The following SH3BP5 variants were observed in gnomAD, a reference collection of about 807,000 sequenced individuals.
The protein encoded by SH3BP5 is SH3 domain binding protein 5, also known as SH3 domain-binding protein 5.
In SH3BP5, 22 loss-of-function variants were observed where a neutral mutation model predicts 43.3. The observed-to-expected ratio is 0.51, with a 90% CI of 0.36 to 0.73. The LOEUF (loss-of-function observed/expected upper bound fraction) is 0.73, where lower values mean the gene tolerates loss of function less well. Ranked by LOEUF, SH3BP5 falls within the 30% of genes least tolerant of loss-of-function variation. The probability of loss-of-function intolerance (pLI) is 0.00; values close to 1 mark genes in which losing one functional copy is unlikely to be tolerated. For missense variants in SH3BP5, 529 were observed against 586.9 expected, an observed-to-expected ratio of 0.90 and a Z score of 1.02; for synonymous variants, 255 against 225.8, an observed-to-expected ratio of 1.13 and a Z score of -1.16.
chr3:15,271,395 AGAGGCTGGGCACG>A (rs1378646950), intron 3 of SH3BP5, among the ~76,000 whole-genome samples: 1 of 152,048 alleles, frequency 6.6e-6, no homozygotes, highest in Admixed American at 6.6e-5. Flanking sequence ...TTAAATTCAC[AGAGGCTGGGCACG>A]GTGGCTCAAA....
intron 6 of SH3BP5, 192 bp downstream of exon 6, chr3:15,259,569 T>C (rs1696355300): frequency 8.7e-6 from 6 of 688,426 alleles, no homozygotes; most frequent in Non-Finnish European, 1.6e-5. Context: ...GGTGACTGAA[T>C]GGCAGTTACA....
chr3:15,257,206 G>A (rs1208640234), intron 7 of SH3BP5, 93 bp from the exon 8 acceptor site: 1 of 1,290,056 alleles, frequency 7.8e-7, no homozygotes, highest in Non-Finnish European at 1.1e-6. Flanking sequence ...ACACAGCATG[G>A]GGGACTAAAG....
chr3:15,259,091 T>C lies in SH3BP5; in HGVS notation c.670-41A>G, dbSNP rs752328026. On this transcript the variant is annotated intron_variant, in intron 6 of 8. Transcript: ENST00000383791. ...GGAGACTAAGTGAAGACTACCCTGC[T>C]AGCCTTAAGATGCTTTCTGAATGAC... 1.3e-5 allele frequency: 19 copies of C among 1,498,296 alleles called. No individual in the cohort carries two copies. The South Asian group carries it at 2.1e-4, about 17-fold the overall frequency. The allele number at this position is 1,498,296 out of a possible 1,614,324, so 92.8% of individuals were successfully genotyped here. A position where few individuals can be genotyped will look rare whatever the true frequency, so the allele number is the denominator to read the frequency against.
At chr3:15,297,391 T>C (rs959841605) in intron 3 of SH3BP5, among the ~76,000 whole-genome samples, 4 of 152,164 alleles carry the variant, frequency 2.6e-5, no homozygotes, top group Non-Finnish European at 5.9e-5. Flanking sequence ...AGGTTCTTTG[T>C]GGTGGTGATC....
intron 3 of SH3BP5, among the ~76,000 whole-genome samples, chr3:15,271,277 T>C (rs547472401): frequency 4.6e-5 from 7 of 152,140 alleles, no homozygotes; most frequent in African/African-American, 9.6e-5. Flanking sequence ...CCTTGGGAGC[T>C]TGAGGCAGGA....
In SH3BP5 at chr3:15,262,275, C is replaced by G; in HGVS notation, c.510G>C (p.Glu170Asp). 6.2e-7 allele frequency: 1 copy of G among 1,614,186 alleles called. No homozygotes were observed. The highest frequency in any genetic ancestry group is 8.5e-7 in the Non-Finnish European group (1 of 1,180,032). The change falls in exon 5 of 9, where the codon GAG becomes GAC. Residue 170 changes from glutamate to aspartate, a missense_variant. Physicochemically the swap from Glu to Asp is conservative, Grantham distance 45 (BLOSUM62 2). Around this residue, in one of 3 missense-constraint regions of SH3BP5, gnomAD observed 369 missense variants for 384.3 expected, o/e 0.96. Transcript: ENST00000383791. ...NHATQRVMEA[E>D]QTKTRSELVH... ...CCAGCTCGCTCCTGGTCTTGGTCTG[C>G]TCCGCCTCCATGACCTTAAAATGAC...
At position 15,271,891 on chromosome 3, in the gene SH3BP5, ACCTTGAATTC is replaced by A. The variant is rs1166865498; in HGVS notation, c.331-2024_331-2015del. Among the ~76,000 whole-genome samples, 31 of 152,084 alleles carry A rather than the reference ACCTTGAATTC, an allele frequency of 2.0e-4. 1 individual carries two copies. Among genetic ancestry groups the A allele is most frequent in the African/African-American group, 7.2e-4 (30 of 41,512 alleles). ...ATCACAGTCACCACTCTACAGGCTCACCTTGAATTCCCCAGCAGGGTAGAAGCCACAAACC... is the reference window on the plus strand; with the variant it reads ...ATCACAGTCACCACTCTACAGGCTCACCCAGCAGGGTAGAAGCCACAAACC... On this transcript the variant is annotated intron_variant, in intron 3 of 8. Transcript: ENST00000383791.
intron 2 of SH3BP5, among the ~76,000 whole-genome samples, chr3:15,330,167 C>A: frequency 6.6e-6 from 1 of 152,214 alleles, no homozygotes; most frequent in Non-Finnish European, 1.5e-5. Context: ...TTTGTGAGCT[C>A]ATTCATTATT....
At chr3:15,301,426 T>C (rs9831969) in intron 3 of SH3BP5, among the ~76,000 whole-genome samples, 63,340 of 151,942 alleles carry the variant, frequency 0.42, 13,789 homozygotes, top group East Asian at 0.58. Context: ...GCATTGCAGA[T>C]CCAGCAAGGA....
rs1696226514 is a variant in SH3BP5 at position 15,256,921 on chromosome 3, A to G, written c.1082T>C (p.Met361Thr). The G allele has an allele frequency of 6.2e-7, 1 of 1,614,082 alleles. No homozygotes were observed. The highest frequency in any genetic ancestry group is 8.5e-7 in the Non-Finnish European group (1 of 1,180,022). The change falls in exon 8 of 9, where the codon ATG becomes ACG. Residue 361 changes from methionine to threonine, a missense_variant. This residue lies in a region of SH3BP5 where 369 missense variants were observed against 384.3 expected (regional missense o/e 0.96). Transcript: ENST00000383791. ...SPVSLSEFGM[M>T]FPVLGPRSEC... Reference sequence around the variant, plus strand: ...ACTTCGAGGGCCCAACACTGGGAACATCATCCCAAACTCTGACAGGGACAC... The same window carrying G: ...ACTTCGAGGGCCCAACACTGGGAACGTCATCCCAAACTCTGACAGGGACAC...
At chr3:15,299,520 G>T (rs1017570937) in intron 3 of SH3BP5, among the ~76,000 whole-genome samples, 4 of 132,730 alleles carry the variant, frequency 3.0e-5, no homozygotes, top group Non-Finnish European at 4.7e-5. Flanking sequence ...TTGAGTCAGG[G>T]TCTTGCTCTG....
Position 15,332,552 on chromosome 3 carries a change from C to G in SH3BP5, c.-144G>C. On this transcript the variant is annotated 5_prime_UTR_variant, in exon 1 of 9. Transcript: ENST00000383791. ...GCCGACACCCGGGAGACGCAGCTCG[C>G]CGATGCGGATACCTCCGGCCGCGGC... 8.1e-7 allele frequency: 1 copy of G among 1,235,814 alleles called. No individual in the cohort carries two copies. Among genetic ancestry groups the G allele is most frequent in the Admixed American group, 4.4e-5 (1 of 22,812 alleles). The allele number at this position is 1,235,814 out of a possible 1,614,324, so 76.6% of individuals were successfully genotyped here.
chr3:15,258,586 T>C (rs890832359), intron 7 of SH3BP5: 1 of 543,018 alleles, frequency 1.8e-6, no homozygotes, highest in South Asian at 2.4e-5. Flanking sequence ...ACTTTGACTC[T>C]CAAAGAGGAG....
chr3:15,309,915 C>A (rs1018648205), intron 2 of SH3BP5, among the ~76,000 whole-genome samples: 1 of 148,514 alleles, frequency 6.7e-6, no homozygotes, highest in African/African-American at 2.5e-5. Context: ...CACCCCCCCC[C>A]CATAAGAAAA....
intron 2 of SH3BP5, among the ~76,000 whole-genome samples, chr3:15,326,639 T>A (rs1698470922): frequency 6.6e-6 from 1 of 152,200 alleles, no homozygotes; most frequent in Non-Finnish European, 1.5e-5. Flanking sequence ...CCCTTTCAGG[T>A]TCATTCACCG....
rs570145254 is a variant in SH3BP5, at chr3:15,294,351, C to G, written c.330+9752G>C. Among the ~76,000 whole-genome samples the G allele has an allele frequency of 3.3e-5, 5 of 150,970 alleles. No individual in the cohort carries two copies. The South Asian group carries it at 1.0e-3, about 32-fold the overall frequency. ...TGTGTGCGCGCGCATGTTTACGTAA[C>G]TCCCCCTCATGCATGTAAAACACTT... On this transcript the variant is annotated intron_variant, in intron 3 of 8. Coordinates refer to ENST00000383791, the MANE Select transcript of SH3BP5 (RefSeq NM_004844.5).
chr3:15,329,278 A>G (rs1419334929), intron 2 of SH3BP5, among the ~76,000 whole-genome samples: 2 of 152,242 alleles, frequency 1.3e-5, no homozygotes, highest in East Asian at 3.8e-4. Flanking sequence ...CACTCTGGAA[A>G]TGCTAAAGCC....
intron 5 of SH3BP5, 96 bp from the exon 6 acceptor site, chr3:15,259,899 C>CA: frequency 9.0e-7 from 1 of 1,111,540 alleles, no homozygotes; most frequent in East Asian, 2.4e-5. Context: ...TACCACTGGC[C>CA]AGGTCGTCCT....
intron 3 of SH3BP5, among the ~76,000 whole-genome samples, chr3:15,286,901 C>T (rs756224357): frequency 6.6e-6 from 1 of 152,182 alleles, no homozygotes; most frequent in Non-Finnish European, 1.5e-5. Flanking sequence ...TTGCACCACG[C>T]AACATGAAGA....
Sources: gnomAD v4.1 joint callset for allele counts (sites outside exome capture counted in the v4.1 genomes callset) on GRCh38, gnomAD v4.1.1 for gene constraint, gnomAD v4.1.1 regional missense constraint, MANE v1.5 for transcripts, NCBI Gene and HGNC (gene_info 2026-07-23, HGNC 2026-07-21) for gene names.